The following LRRC49 variants were observed in gnomAD, a reference collection of about 807,000 sequenced individuals.
LRRC49 encodes the protein leucine-rich repeat-containing protein 49.
LRRC49 carries 50 observed loss-of-function variants against 83.3 expected under a neutral mutation model. The observed-to-expected ratio is 0.60, with a 90% CI of 0.48 to 0.76. LRRC49 has a LOEUF of 0.76. Ranked by LOEUF, LRRC49 falls within the 30% of genes least tolerant of loss-of-function variation. LRRC49 has a pLI of 0.00. For missense variants in LRRC49, 704 were observed against 809.1 expected (o/e 0.87, Z 1.58); for synonymous variants, 286 against 283.3 (o/e 1.01, Z -0.10).
chr15:70,946,428 T>C (rs759153715), intron 8 of LRRC49, among the ~76,000 whole-genome samples: 1 of 152,184 alleles, frequency 6.6e-6, no homozygotes, highest in Non-Finnish European at 1.5e-5. Flanking sequence ...GATTTACTTC[T>C]GTTTGAGGCT....
intron 1 of LRRC49, among the ~76,000 whole-genome samples, chr15:70,869,601 C>G (rs1290482146): frequency 1.3e-5 from 2 of 152,140 alleles, no homozygotes; most frequent in Non-Finnish European, 2.9e-5. Flanking sequence ...TACTACAGAT[C>G]CGCTGCTTTA....
intron 14 of LRRC49, among the ~76,000 whole-genome samples, chr15:71,030,690 T>G (rs544519696): frequency 6.6e-6 from 1 of 152,232 alleles, no homozygotes; most frequent in South Asian, 2.1e-4. Context: ...TATAGTCACA[T>G]ATTTCTTGGA....
At chr15:70,981,891 CTTTTTTTTTTT>C (rs11339326) in intron 10 of LRRC49, among the ~76,000 whole-genome samples, 2 of 112,108 alleles carry the variant, frequency 1.8e-5, no homozygotes, top group Non-Finnish European at 3.7e-5. Context: ...TTTGCTTCTT[CTTTTTTTTTTT>C]TTTTTTTTTC....
intron 7 of LRRC49, among the ~76,000 whole-genome samples, chr15:70,931,662 A>G (rs987837828): frequency 6.6e-6 from 1 of 152,104 alleles, no homozygotes; most frequent in African/African-American, 2.4e-5. Flanking sequence ...TAAATATTCC[A>G]TAGTCTTTAT....
chr15:70,933,181 T>A (rs1043666142), intron 7 of LRRC49, among the ~76,000 whole-genome samples: 10 of 152,196 alleles, frequency 6.6e-5, no homozygotes, highest in Non-Finnish European at 1.5e-5. Flanking sequence ...TTTTTCTATT[T>A]TTTAAAAGAT....
chr15:71,008,783 G>A (rs1220689204), intron 12 of LRRC49, among the ~76,000 whole-genome samples, 167 bp downstream of exon 12: 1 of 151,750 alleles, frequency 6.6e-6, no homozygotes, highest in Non-Finnish European at 1.5e-5. Context: ...ATTCATAAAT[G>A]GCCTTGAAGT....
At chr15:70,896,514 G>A (rs928280932) in intron 3 of LRRC49, among the ~76,000 whole-genome samples, 9 of 152,214 alleles carry the variant, frequency 5.9e-5, no homozygotes, top group East Asian at 1.9e-4. Flanking sequence ...GAGGTATATG[G>A]TTTGTGGGTC....
intron 10 of LRRC49, 79 bp from the exon 11 acceptor site, chr15:70,984,015 A>C: frequency 9.4e-7 from 1 of 1,068,864 alleles, no homozygotes. Context: ...AAGAAGGCAC[A>C]AACAATATGC....
chr15:70,889,593 T>A (rs2033501270), upstream of LRRC49, among the ~76,000 whole-genome samples: 3 of 152,208 alleles, frequency 2.0e-5, no homozygotes, highest in Admixed American at 2.0e-4. Flanking sequence ...TTGGGTTTTT[T>A]AAAAAAGAAT....
chr15:70,871,116 G>C (rs1439837083), intron 1 of LRRC49, among the ~76,000 whole-genome samples: 1 of 151,956 alleles, frequency 6.6e-6, no homozygotes, highest in African/African-American at 2.4e-5. Flanking sequence ...CGCAGTGTTT[G>C]TGTCCCTGGG....
At chr15:70,980,823 C>T (rs1180228654) in intron 10 of LRRC49, among the ~76,000 whole-genome samples, 1 of 151,970 alleles carries the variant, frequency 6.6e-6, no homozygotes, top group Non-Finnish European at 1.5e-5. Flanking sequence ...AAGGACATCA[C>T]CCTGATTATC....
At chr15:70,978,289 G>A (rs2037279284) in intron 9 of LRRC49, among the ~76,000 whole-genome samples, 2 of 152,140 alleles carry the variant, frequency 1.3e-5, no homozygotes, top group Non-Finnish European at 2.9e-5. Flanking sequence ...GCTCTATGTT[G>A]TCCTCATTCT....
intron 11 of LRRC49, among the ~76,000 whole-genome samples, chr15:71,000,397 T>A (rs2038216066): frequency 6.6e-6 from 1 of 152,220 alleles, no homozygotes; most frequent in African/African-American, 2.4e-5. Flanking sequence ...TCATAAAACT[T>A]TGTCAGTTGG....
intron 8 of LRRC49, among the ~76,000 whole-genome samples, chr15:70,960,026 T>C (rs2036551838): frequency 6.6e-6 from 1 of 152,234 alleles, no homozygotes; most frequent in African/African-American, 2.4e-5. Context: ...CAATTTAGTT[T>C]AGAGTCCAGT....
At chr15:70,892,754 A>C, upstream of LRRC49, 1 of 1,558,022 alleles carries the variant, frequency 6.4e-7, no homozygotes, top group Non-Finnish European at 8.7e-7. Flanking sequence ...GATTCGGGAG[A>C]GGTCCAGACC....
At chr15:71,046,287 G>A (rs1333038791) in intron 15 of LRRC49, among the ~76,000 whole-genome samples, 1 of 152,160 alleles carries the variant, frequency 6.6e-6, no homozygotes, top group African/African-American at 2.4e-5. Flanking sequence ...GCTTTCCACA[G>A]TGGCTGGACT....
chr15:71,002,413 A>G (rs1424759466), intron 11 of LRRC49, among the ~76,000 whole-genome samples: 4 of 152,180 alleles, frequency 2.6e-5, no homozygotes, highest in Non-Finnish European at 4.4e-5. Context: ...TATCCCACTA[A>G]TGATTTCACT....
chr15:70,990,482 TC>T (rs2037828838), intron 11 of LRRC49, among the ~76,000 whole-genome samples: 1 of 152,160 alleles, frequency 6.6e-6, no homozygotes, highest in Admixed American at 6.5e-5. Context: ...TTTAAGCCCA[TC>T]GGAAAAGCAC....
At chr15:70,864,720 C>T (rs556604245) in intron 1 of LRRC49, among the ~76,000 whole-genome samples, 5 of 152,246 alleles carry the variant, frequency 3.3e-5, no homozygotes, top group East Asian at 1.9e-4. Context: ...GTTTAGTGTA[C>T]GGGACATTCA....
Sources: gnomAD v4.1 joint callset for allele counts (sites outside exome capture counted in the v4.1 genomes callset) on GRCh38, gnomAD v4.1.1 for gene constraint, MANE v1.5 for transcripts, NCBI Gene and HGNC (gene_info 2026-07-23, HGNC 2026-07-21) for gene names.